Variants in CDH13 observed in about 807,000 individuals in gnomAD.
CDH13 encodes cadherin-13.
Under a neutral mutation model 63.8 loss-of-function variants are expected in CDH13, and 24 were observed. The observed-to-expected ratio is 0.38, with a 90% confidence interval of 0.27 to 0.53. The LOEUF is 0.53. Ranked by LOEUF, CDH13 falls within the 20% of genes least tolerant of loss-of-function variation. The pLI is 0.85. For missense variants in CDH13, 1,049 were observed against 903.1 expected (o/e 1.16, Z -2.07); for synonymous variants, 503 against 355.3 (o/e 1.42, Z -4.67).
chr16:83,050,838 C>T (rs372769035), intron 3 of CDH13, among the ~76,000 whole-genome samples: 34 of 152,236 alleles, frequency 2.2e-4, no homozygotes, highest in African/African-American at 7.2e-4. Context: ...CCTAAGTGCA[C>T]GGTTTCTTGC....
chr16:83,710,369 C>T (rs1907836557), intron 10 of CDH13: 1 of 152,336 alleles, frequency 6.6e-6, no homozygotes, highest in South Asian at 2.1e-4. Flanking sequence ...TCCCTGACTG[C>T]AAGCTTGGTC....
At chr16:83,261,110 C>G (rs535836733) in intron 5 of CDH13, among the ~76,000 whole-genome samples, 22 of 152,224 alleles carry the variant, frequency 1.4e-4, no homozygotes, top group African/African-American at 5.1e-4. Context: ...CCAAGGAGAA[C>G]AGGGCATCTT....
At chr16:83,651,530 T>C (rs1912372300) in intron 8 of CDH13, among the ~76,000 whole-genome samples, 1 of 151,404 alleles carries the variant, frequency 6.6e-6, no homozygotes, top group South Asian at 2.1e-4. Flanking sequence ...GATAACAAGA[T>C]GCAGCTTCCT....
At chr16:82,990,326 C>T (rs1355248438) in intron 2 of CDH13, 1 of 152,160 alleles carries the variant, frequency 6.6e-6, no homozygotes, top group African/African-American at 2.4e-5. Flanking sequence ...CTTGGAATGA[C>T]TCAGGAGTGA....
At chr16:83,508,179 G>A (rs1598182802) in intron 7 of CDH13, among the ~76,000 whole-genome samples, 1 of 149,304 alleles carries the variant, frequency 6.7e-6, no homozygotes, top group African/African-American at 2.5e-5. Context: ...GGAGAGGGGA[G>A]GAAAGGGAAG....
At chr16:83,125,347 T>C in intron 3 of CDH13, 38 bp from the exon 4 acceptor site, 1 of 1,098,430 alleles carries the variant, frequency 9.1e-7, no homozygotes, top group South Asian at 1.3e-5. Flanking sequence ...ATCATTTCAA[T>C]GGGAGATTTT....
intron 1 of CDH13, among the ~76,000 whole-genome samples, chr16:82,748,608 AAAATC>A (rs1454944972): frequency 6.6e-6 from 1 of 152,082 alleles, no homozygotes; most frequent in African/African-American, 2.4e-5. Context: ...TGCTAACAAA[AAAATC>A]AAAGAGAAAA....
chr16:83,582,705 C>T (rs4360919), intron 7 of CDH13, among the ~76,000 whole-genome samples: 32,053 of 152,038 alleles, frequency 0.21, 3,807 homozygotes, highest in East Asian at 0.5. Context: ...AGCATAAGAC[C>T]GTGTGCTGAC....
chr16:82,932,248 T>C (rs2042521015), intron 2 of CDH13, among the ~76,000 whole-genome samples: 1 of 152,208 alleles, frequency 6.6e-6, no homozygotes, highest in South Asian at 2.1e-4. Flanking sequence ...GACACACACT[T>C]ATTCTAAAAA....
intron 5 of CDH13, among the ~76,000 whole-genome samples, chr16:83,322,646 G>T (rs2090256319): frequency 6.6e-6 from 1 of 152,112 alleles, no homozygotes; most frequent in African/African-American, 2.4e-5. Flanking sequence ...AGCAGGGGGT[G>T]CCCAGATGAA....
Position 82,924,839 on chromosome 16 carries a change from C to A in CDH13, c.157+66366C>A, listed in dbSNP as rs888531506. On this transcript the variant is annotated intron_variant, in intron 2 of 13. Coordinates refer to ENST00000567109, the MANE Select transcript of CDH13 (RefSeq NM_001257.5). ...TAGAATTTTATTAGGCACAAACTTT[C>A]TCAGATGTTCTCAGTGCTATTATTA... 1.3e-5 allele frequency among the ~76,000 whole-genome samples: 2 copies of A among 152,226 alleles called. 1 individual carries two copies. The highest frequency in any genetic ancestry group is 1.3e-4 in the Admixed American group (2 of 15,296).
chr16:83,019,915 C>G (rs1255583885), intron 2 of CDH13, among the ~76,000 whole-genome samples: 3 of 150,648 alleles, frequency 2.0e-5, no homozygotes, highest in Non-Finnish European at 2.9e-5. Flanking sequence ...ATTATCATTA[C>G]CAAATATTAC....
intron 1 of CDH13, among the ~76,000 whole-genome samples, chr16:82,743,206 T>C (rs749008132): frequency 6.6e-6 from 1 of 152,206 alleles, no homozygotes; most frequent in Non-Finnish European, 1.5e-5. Flanking sequence ...GTGAACATTT[T>C]AATAATTGTA....
At chr16:82,630,470 C>A (rs963295546) in intron 1 of CDH13, among the ~76,000 whole-genome samples, 7 of 152,212 alleles carry the variant, frequency 4.6e-5, no homozygotes, top group African/African-American at 1.7e-4. Context: ...TGCCTCCCTC[C>A]CTTCTCCCCT....
rs1026144890 is a variant in CDH13 at position 83,798,631 on chromosome 16, C to T, written c.*3601C>T. On this transcript the variant is annotated 3_prime_UTR_variant, in exon 14 of 14. Transcript: ENST00000567109. ...TCCAGGGTTCATGTTCTTCCGACAA[C>T]ATCACAATGCCACTCTCAACCCAGG... 9 of 152,210 alleles carry T rather than the reference C, an allele frequency of 5.9e-5. No individual in the cohort carries two copies. Among genetic ancestry groups the T allele is most frequent in the Admixed American group, 5.2e-4 (8 of 15,278 alleles). 9.4% of individuals were successfully genotyped at this position (152,210 alleles called of 1,614,324 possible). A position where few individuals can be genotyped will look rare whatever the true frequency, so the allele number is the denominator to read the frequency against.
intron 3 of CDH13, among the ~76,000 whole-genome samples, chr16:83,120,827 G>C (rs1237185874): frequency 2.9e-5 from 4 of 138,496 alleles, no homozygotes; most frequent in African/African-American, 8.6e-5. Context: ...ACAGTGGCGC[G>C]ATCTCAGCTC....
intron 7 of CDH13, among the ~76,000 whole-genome samples, chr16:83,500,752 T>C (rs2074266427): frequency 6.7e-6 from 1 of 150,010 alleles, no homozygotes; most frequent in Non-Finnish European, 1.5e-5. Context: ...TAATTTTTGT[T>C]TTATTTTTGT....
At chr16:83,382,067 C>T (rs968014555) in intron 6 of CDH13, among the ~76,000 whole-genome samples, 4 of 152,160 alleles carry the variant, frequency 2.6e-5, no homozygotes, top group Admixed American at 2.0e-4. Context: ...TGGGCTTCCA[C>T]CCCAACTCTA....
intron 7 of CDH13, among the ~76,000 whole-genome samples, chr16:83,515,707 A>G (rs1229510542): frequency 6.6e-6 from 1 of 152,212 alleles, no homozygotes; most frequent in African/African-American, 2.4e-5. Flanking sequence ...AAGCAGGACA[A>G]AAATACATTA....
Sources: allele counts gnomAD v4.1 joint callset (sites outside exome capture counted in the v4.1 genomes callset), GRCh38; gene constraint gnomAD v4.1.1; transcripts MANE v1.5; gene names NCBI Gene and HGNC (gene_info 2026-07-23, HGNC 2026-07-21).